SPECC1L: variants seen among roughly 807,000 people sequenced by gnomAD.
The protein encoded by SPECC1L is sperm antigen with calponin homology and coiled-coil domains 1 like, also known as cytospin-A.
In SPECC1L, 40 loss-of-function variants were observed where a neutral mutation model predicts 116.8. The ratio of observed to expected loss-of-function variants is 0.34; its 90% CI spans 0.27 to 0.45. The LOEUF is 0.45. SPECC1L is among the 20% of genes least tolerant of loss of function. The probability of loss-of-function intolerance (pLI) is 1.00; values close to 1 mark genes in which losing one functional copy is unlikely to be tolerated. For synonymous variants in SPECC1L, 504 were observed against 500.6 expected, an observed-to-expected ratio of 1.01 and a Z score of -0.09; for missense variants, 1,110 against 1,373.6, an observed-to-expected ratio of 0.81 and a Z score of 3.03.
At position 24,346,983 on chromosome 22, in the gene SPECC1L, GAATT is replaced by G. The variant is rs532926715; in HGVS notation, c.2653-99_2653-96del. 608 of 920,082 alleles carry G rather than the reference GAATT, an allele frequency of 6.6e-4. 3 individuals are homozygous for G. The African/African-American group carries it at 8.4e-3, about 13-fold the overall frequency. The allele number at this position is 920,082 out of a possible 1,614,324, so 57.0% of individuals were successfully genotyped here. ...CAACCTTACTATAGCAGTATGGAAA[GAATT>G]AATACGGATTTATAACTAAATATCT... is the stretch of plus-strand genomic sequence containing the variant. On this transcript the variant is annotated intron_variant, in intron 10 of 16. Transcript: ENST00000314328.
chr22:24,337,191 A>C (rs1401366410), intron 9 of SPECC1L, among the ~76,000 whole-genome samples: 1 of 152,238 alleles, frequency 6.6e-6, no homozygotes, highest in East Asian at 1.9e-4. Flanking sequence ...CCAAGTATCC[A>C]TGCATTCGAT....
intron 14 of SPECC1L, among the ~76,000 whole-genome samples, chr22:24,399,796 G>A (rs58692909): frequency 0.038 from 5,710 of 152,218 alleles, 298 homozygotes; most frequent in African/African-American, 0.12. Context: ...CATATATCAG[G>A]TTCCTTTTGC....
At chr22:24,275,185 A>G (rs1009773035) in intron 1 of SPECC1L, among the ~76,000 whole-genome samples, 6 of 152,224 alleles carry the variant, frequency 3.9e-5, no homozygotes, top group Admixed American at 2.6e-4. Context: ...CCACTGGACA[A>G]TGAGACCGTA....
chr22:24,344,036 G>C (rs2041237847), intron 10 of SPECC1L, among the ~76,000 whole-genome samples: 1 of 152,124 alleles, frequency 6.6e-6, no homozygotes, highest in African/African-American at 2.4e-5. Flanking sequence ...TCAATCCTTT[G>C]TGGAAGAAAT....
chr22:24,313,012 A>G (rs1167486800), intron 3 of SPECC1L, among the ~76,000 whole-genome samples: 2 of 152,254 alleles, frequency 1.3e-5, no homozygotes, highest in Non-Finnish European at 2.9e-5. Context: ...GACTTTCCCA[A>G]GATATCATGT....
At chr22:24,286,799 G>A (rs1483908626) in intron 2 of SPECC1L, among the ~76,000 whole-genome samples, 2 of 152,144 alleles carry the variant, frequency 1.3e-5, no homozygotes, top group South Asian at 2.1e-4. Context: ...TGTTTTTCAA[G>A]TAAGAGGCTG....
At chr22:24,308,560 G>A (rs370900751) in intron 3 of SPECC1L, among the ~76,000 whole-genome samples, 7 of 152,272 alleles carry the variant, frequency 4.6e-5, no homozygotes, top group African/African-American at 1.7e-4. Flanking sequence ...ACTTCCTTTG[G>A]CTAGGTTTCT....
intron 10 of SPECC1L, chr22:24,343,508 T>A (rs2041224148): frequency 2.2e-6 from 1 of 446,404 alleles, no homozygotes; most frequent in Non-Finnish European, 4.5e-6. Context: ...TCGCCCACGC[T>A]GGAATGCAGT....
chr22:24,311,771 C>T (rs926930520), intron 3 of SPECC1L, among the ~76,000 whole-genome samples: 2 of 143,816 alleles, frequency 1.4e-5, no homozygotes, highest in Admixed American at 1.4e-4. Flanking sequence ...TGCCAGTGCA[C>T]TCCAGCCTCG....
rs1191412483 is a variant in SPECC1L at position 24,359,753 on chromosome 22, G to A, written c.2744-3508G>A. 3.3e-5 allele frequency among the ~76,000 whole-genome samples: 5 copies of A among 152,244 alleles called. No homozygotes were observed. In the East Asian group the frequency reaches 7.7e-4, roughly 24 times the overall value. The stretch of plus-strand genomic sequence containing the variant: ...TCTTTGGGGGTATACTAAGCACTCA[G>A]TTGGGAACACTCTTTTTCTTCTAAG... On this transcript the variant is annotated intron_variant, in intron 11 of 16. Transcript: ENST00000314328.
chr22:24,377,920 C>T lies in SPECC1L; in HGVS notation c.3087+8600C>T, dbSNP rs191801577. Reference sequence around the variant, plus strand: ...TAGGATTGTGGGACTGGTAAATGAGCATTGGCTTCCACTTAAAGTCACCAG... The same window carrying T: ...TAGGATTGTGGGACTGGTAAATGAGTATTGGCTTCCACTTAAAGTCACCAG... On this transcript the variant is annotated intron_variant, in intron 14 of 16. Transcript: ENST00000314328. Among the ~76,000 whole-genome samples, 592 of 152,340 alleles carry T rather than the reference C, an allele frequency of 3.9e-3. 3 individuals carry two copies. The highest frequency in any genetic ancestry group is 7.0e-3 in the South Asian group (34 of 4,830).
chr22:24,341,042 C>T (rs1293319282), intron 10 of SPECC1L, among the ~76,000 whole-genome samples: 1 of 152,098 alleles, frequency 6.6e-6, no homozygotes, highest in Non-Finnish European at 1.5e-5. Context: ...ACAGTCTTTT[C>T]CTGGAGGCAA....
intron 13 of SPECC1L, 50 bp from the exon 14 acceptor site, chr22:24,369,168 T>C (rs764267689): frequency 4.5e-6 from 6 of 1,339,184 alleles, no homozygotes; most frequent in Non-Finnish European, 6.5e-6. Context: ...TTTTCTCTTA[T>C]TCTGGTGCCC....
chr22:24,293,002 G>A (rs1352961817), intron 2 of SPECC1L, among the ~76,000 whole-genome samples: 1 of 152,206 alleles, frequency 6.6e-6, no homozygotes, highest in Non-Finnish European at 1.5e-5. Flanking sequence ...GCATGGTGGT[G>A]TGCTCCTGTA....
At chr22:24,296,750 C>T (rs1411993508) in intron 2 of SPECC1L, among the ~76,000 whole-genome samples, 4 of 152,152 alleles carry the variant, frequency 2.6e-5, no homozygotes, top group Non-Finnish European at 1.5e-5. Context: ...CCAGGACCTT[C>T]TGGTGAATTC....
At chr22:24,272,659 T>C (rs1337000388) in intron 1 of SPECC1L, among the ~76,000 whole-genome samples, 2 of 147,074 alleles carry the variant, frequency 1.4e-5, no homozygotes, top group African/African-American at 5.2e-5. Flanking sequence ...AGAGTGAGAC[T>C]CTGTCTCAAA....
intron 10 of SPECC1L, among the ~76,000 whole-genome samples, chr22:24,342,060 C>T (rs2041187311): frequency 6.6e-6 from 1 of 152,192 alleles, no homozygotes; most frequent in Non-Finnish European, 1.5e-5. Flanking sequence ...TTGTTTTAAG[C>T]CACTAAAGAT....
chr22:24,382,247 T>G (rs899640094), intron 14 of SPECC1L, among the ~76,000 whole-genome samples: 1 of 152,172 alleles, frequency 6.6e-6, no homozygotes. Flanking sequence ...CCTGCTTTTT[T>G]CCCTTAGGGC....
At chr22:24,385,821 C>T (rs1483762164) in intron 14 of SPECC1L, among the ~76,000 whole-genome samples, 3 of 152,114 alleles carry the variant, frequency 2.0e-5, no homozygotes, top group African/African-American at 7.2e-5. Flanking sequence ...ACGCTTCTCT[C>T]ATTAACGAAT....
Sources: allele counts gnomAD v4.1 joint callset (sites outside exome capture counted in the v4.1 genomes callset), GRCh38; gene constraint gnomAD v4.1.1; transcripts MANE v1.5; gene names NCBI Gene and HGNC (gene_info 2026-07-23, HGNC 2026-07-21).